Variants in WDR64 observed in about 807,000 individuals in gnomAD.
WDR64 encodes WD repeat-containing protein 64.
A neutral mutation model predicts 139.3 loss-of-function variants in WDR64; 112 were observed. The ratio of observed to expected loss-of-function variants is 0.80; its 90% CI spans 0.69 to 0.94. WDR64 has a LOEUF of 0.94. Ranked by LOEUF, WDR64 falls within the 40% of genes least tolerant of loss-of-function variation. WDR64 has a pLI of 0.00. For synonymous variants in WDR64, 444 were observed against 437.7 expected (o/e 1.01, Z -0.18); for missense variants, 1,206 against 1,293.1 (o/e 0.93, Z 1.03).
Position 241,673,804 on chromosome 1 carries a change from CA to C in WDR64, c.380-839del, listed in dbSNP as rs988805453. 1.9e-4 allele frequency among the ~76,000 whole-genome samples: 29 copies of C among 152,060 alleles called. 1 individual carries two copies. The highest frequency in any genetic ancestry group is 7.0e-4 in the African/African-American group (29 of 41,406). ...ATCATTCAGTGCATGGCCATAGAAACATAAAAGTGTCTAGCTAGTCTTTTTT... is the reference window on the plus strand; with the variant it reads ...ATCATTCAGTGCATGGCCATAGAAACTAAAAGTGTCTAGCTAGTCTTTTTT... On this transcript the variant is annotated intron_variant, in intron 3 of 27. Coordinates refer to ENST00000437684, the MANE Select transcript of WDR64 (RefSeq NM_001367482.1).
chr1:241,800,728 G>A (rs1218499983), intron 27 of WDR64, among the ~76,000 whole-genome samples: 2 of 152,092 alleles, frequency 1.3e-5, no homozygotes, highest in Non-Finnish European at 2.9e-5. Context: ...ATTTTCCTGT[G>A]AGCCAACCGA....
chr1:241,758,946 T>C (rs1670317440), intron 15 of WDR64, among the ~76,000 whole-genome samples: 1 of 152,226 alleles, frequency 6.6e-6, no homozygotes, highest in African/African-American at 2.4e-5. Flanking sequence ...CACTACTATT[T>C]TGCACTGATA....
intron 3 of WDR64, 54 bp from the exon 4 acceptor site, chr1:241,674,590 G>A (rs1573995987): frequency 1.7e-6 from 2 of 1,166,160 alleles, no homozygotes; most frequent in Non-Finnish European, 1.2e-6. Flanking sequence ...TCTAACAAAT[G>A]AGTTTCAGCA....
intron 9 of WDR64, among the ~76,000 whole-genome samples, chr1:241,714,135 C>T (rs1668308331): frequency 6.6e-6 from 1 of 152,104 alleles, no homozygotes; most frequent in Non-Finnish European, 1.5e-5. Flanking sequence ...AGATGAGCTC[C>T]CAGAGGTTCC....
intron 12 of WDR64, among the ~76,000 whole-genome samples, chr1:241,741,960 A>AT (rs1230471628): frequency 6.6e-6 from 1 of 152,132 alleles, no homozygotes; most frequent in Non-Finnish European, 1.5e-5. Flanking sequence ...CTGCATTTTG[A>AT]TTTTTTTAAA....
chr1:241,671,310 G>T (rs755559189), intron 3 of WDR64, 134 bp downstream of exon 3: 15 of 634,096 alleles, frequency 2.4e-5, no homozygotes, highest in Admixed American at 1.6e-4. Flanking sequence ...GGTGTCGGGG[G>T]TGGTGAGAGT....
intron 14 of WDR64, among the ~76,000 whole-genome samples, chr1:241,752,083 T>G (rs1670001834): frequency 6.6e-6 from 1 of 152,218 alleles, no homozygotes; most frequent in African/African-American, 2.4e-5. Context: ...TTAACCACAG[T>G]GCTTTATGAA....
chr1:241,769,612 A>G, intron 17 of WDR64, 107 bp downstream of exon 17: 1 of 970,968 alleles, frequency 1.0e-6, no homozygotes, highest in Admixed American at 2.3e-5. Flanking sequence ...AGTAATAGAA[A>G]GAGTTTACTT....
intron 27 of WDR64, among the ~76,000 whole-genome samples, chr1:241,799,215 AAAAAAAAAT>A (rs1222282776): frequency 1.5e-5 from 2 of 134,350 alleles, no homozygotes; most frequent in Non-Finnish European, 3.3e-5. Flanking sequence ...AAAAAAAAAA[AAAAAAAAAT>A]ACAAAAATTA....
intron 9 of WDR64, among the ~76,000 whole-genome samples, chr1:241,715,821 G>C (rs1269584205): frequency 1.3e-5 from 2 of 152,054 alleles, no homozygotes; most frequent in African/African-American, 2.4e-5. Context: ...ATTTCTGGGG[G>C]AAAAATGTGT....
chr1:241,707,836 A>G (rs1414121066), intron 8 of WDR64, among the ~76,000 whole-genome samples: 1 of 152,218 alleles, frequency 6.6e-6, no homozygotes, highest in African/African-American at 2.4e-5. Flanking sequence ...CCTTGATTTC[A>G]TAAGTGGAGA....
chr1:241,725,278 T>C (rs1668760854), intron 10 of WDR64, among the ~76,000 whole-genome samples: 1 of 151,906 alleles, frequency 6.6e-6, no homozygotes, highest in Admixed American at 6.6e-5. Flanking sequence ...CTCAATGCAC[T>C]ATTGCTTATA....
rs927165762 is a variant in WDR64 at position 241,656,809 on chromosome 1, G to T, written c.146-3721G>T. On this transcript the variant is annotated intron_variant, in intron 1 of 27. Coordinates refer to ENST00000437684, the MANE Select transcript of WDR64 (RefSeq NM_001367482.1). This position sits in a 1 kb window ranked among gnomAD's most constrained non-coding sequence, Gnocchi z 4.3. ...CGTCCTTGGCCTCTACTCACTAGAT[G>T]CCAGTAGCACACCTACTCCTAGTTG... Among the ~76,000 whole-genome samples, 15 of 151,852 alleles carry T rather than the reference G, an allele frequency of 9.9e-5. No homozygotes were observed. The highest frequency in any genetic ancestry group is 3.6e-4 in the African/African-American group (15 of 41,300).
chr1:241,765,102 G>A (rs1658097016), intron 15 of WDR64, among the ~76,000 whole-genome samples: 1 of 151,876 alleles, frequency 6.6e-6, no homozygotes, highest in Admixed American at 6.6e-5. Flanking sequence ...TGGGAGGATC[G>A]CTTGAGCCCA....
At chr1:241,696,268 C>T (rs61825796) in intron 8 of WDR64, among the ~76,000 whole-genome samples, 34,594 of 151,380 alleles carry the variant, frequency 0.23, 4,954 homozygotes, top group Non-Finnish European at 0.32. Flanking sequence ...AGCTCTTGAA[C>T]ACTCTAACTC....
intron 4 of WDR64, chr1:241,675,961 T>C (rs1051349139): frequency 1.3e-5 from 2 of 152,238 alleles, no homozygotes; most frequent in African/African-American, 4.8e-5. Flanking sequence ...GATGAATCTT[T>C]GGTGTTAATT....
rs574023842 is a variant in WDR64, at chr1:241,691,684, T to C, written c.974+4089T>C. The stretch of plus-strand genomic sequence containing the variant: ...GGTTATTATATACAAGTCAATAACT[T>C]TCCTATATCCTAACAATTAACAAGT... On this transcript the variant is annotated intron_variant, in intron 8 of 27. Coordinates refer to ENST00000437684, the MANE Select transcript of WDR64 (RefSeq NM_001367482.1). Among the ~76,000 whole-genome samples, 4 of 152,334 alleles carry C rather than the reference T, an allele frequency of 2.6e-5. No homozygotes were observed. The South Asian group carries it at 8.3e-4, about 32-fold the overall frequency.
At chr1:241,693,819 A>C (rs1667390694) in intron 8 of WDR64, among the ~76,000 whole-genome samples, 2 of 152,182 alleles carry the variant, frequency 1.3e-5, no homozygotes, top group South Asian at 2.1e-4. Flanking sequence ...AACCTATCTA[A>C]AAAAAAGATT....
intron 13 of WDR64, among the ~76,000 whole-genome samples, chr1:241,746,663 A>G (rs1232121895): frequency 1.3e-5 from 2 of 152,228 alleles, no homozygotes; most frequent in Non-Finnish European, 2.9e-5. Flanking sequence ...TAATACAAAG[A>G]AACAAGCTAG....
Sources: allele counts gnomAD v4.1 joint callset (sites outside exome capture counted in the v4.1 genomes callset), GRCh38; gene constraint gnomAD v4.1.1; non-coding constraint Gnocchi (gnomAD v3.1); transcripts MANE v1.5; gene names NCBI Gene and HGNC (gene_info 2026-07-23, HGNC 2026-07-21).